The following ERCC6 variants were observed in gnomAD, a reference collection of about 807,000 sequenced individuals.
ERCC6 encodes ERCC excision repair 6, chromatin remodeling factor.
A neutral mutation model predicts 158.7 loss-of-function variants in ERCC6; 116 were observed. The observed-to-expected ratio is 0.73, with a 90% confidence interval of 0.63 to 0.85. The LOEUF (loss-of-function observed/expected upper bound fraction) is 0.85, where lower values mean the gene tolerates loss of function less well. Among genes scored for constraint, ERCC6 ranks in the 40% least tolerant of loss-of-function variants. The pLI, the probability that ERCC6 is intolerant of heterozygous loss-of-function variation, is 0.00. For synonymous variants in ERCC6, 678 were observed against 659.3 expected (o/e 1.03, Z -0.43); for missense variants, 1,698 against 1,799.4 (o/e 0.94, Z 1.02).
In ERCC6 at chr10:49,533,470, T is replaced by C. The variant is rs142561187; in HGVS notation, c.-14-492A>G. On this transcript the variant is annotated intron_variant, in intron 1 of 20. Coordinates refer to ENST00000355832, the MANE Select transcript of ERCC6 (RefSeq NM_000124.4). ...AATACCTATCCAGTAAATAGGAGCT[T>C]TGAACAAATCAGAAGCTCAGAAGAT... is the stretch of plus-strand genomic sequence containing the variant. Among the ~76,000 whole-genome samples, 322 of 152,262 alleles carry C rather than the reference T, an allele frequency of 2.1e-3. 2 individuals are homozygous for C. Among genetic ancestry groups the C allele is most frequent in the African/African-American group, 7.4e-3 (308 of 41,554 alleles).
chr10:49,465,130 G>A (rs1220878955), intron 18 of ERCC6, among the ~76,000 whole-genome samples: 1 of 152,210 alleles, frequency 6.6e-6, no homozygotes, highest in African/African-American at 2.4e-5. Context: ...AAAGCCAAAG[G>A]GGCAGAGCTG....
chr10:49,482,387 T>A (rs1294518716), intron 10 of ERCC6, among the ~76,000 whole-genome samples: 1 of 152,190 alleles, frequency 6.6e-6, no homozygotes, highest in African/African-American at 2.4e-5. Flanking sequence ...TCTGACCACA[T>A]GTGACATCTT....
rs1850998432 is a variant in ERCC6, at chr10:49,482,579, C to A, written c.2169+108G>T. The A allele has an allele frequency of 4.8e-6, 4 of 839,410 alleles. No individual in the cohort carries two copies. In the East Asian group the frequency reaches 8.5e-5, roughly 18 times the overall value. 52.0% of individuals were successfully genotyped at this position (839,410 alleles called of 1,614,324 possible). On this transcript the variant is annotated intron_variant, in intron 10 of 20. Transcript: ENST00000355832. ...TTTTAACCAGATACCAATTTATGAGCCTGGCCATCTTTCTCACATTCTGAA... is the reference window on the plus strand; with the variant it reads ...TTTTAACCAGATACCAATTTATGAGACTGGCCATCTTTCTCACATTCTGAA...
intron 18 of ERCC6, among the ~76,000 whole-genome samples, chr10:49,465,802 T>C (rs1032345037): frequency 1.3e-5 from 2 of 152,226 alleles, no homozygotes; most frequent in African/African-American, 4.8e-5. Flanking sequence ...TCCCCAGTCA[T>C]GTGGAATTGT....
chr10:49,482,881 G>A lies in ERCC6; in HGVS notation c.1993-18C>T. On this transcript the variant is annotated intron_variant, in intron 9 of 20. Coordinates refer to ENST00000355832, the MANE Select transcript of ERCC6 (RefSeq NM_000124.4). The stretch of plus-strand genomic sequence containing the variant: ...GTGCGAAACTATTTGAGGAAAGGAA[G>A]CACCTTTTTATTAAATTTACCTTTT... The A allele has an allele frequency of 1.9e-6, 3 of 1,613,884 alleles. No individual in the cohort carries two copies. Among genetic ancestry groups the A allele is most frequent in the Non-Finnish European group, 2.5e-6 (3 of 1,179,870 alleles).
intron 18 of ERCC6, among the ~76,000 whole-genome samples, chr10:49,464,414 C>A (rs1850636602): frequency 6.6e-6 from 1 of 152,186 alleles, no homozygotes; most frequent in South Asian, 2.1e-4. Context: ...AAAGTTTGGA[C>A]AATTTGCAGC....
rs188994444 is a variant in ERCC6 at position 49,522,264 on chromosome 10, T to C, written c.1397+1769A>G. Among the ~76,000 whole-genome samples the C allele has an allele frequency of 7.9e-4, 120 of 152,314 alleles. 1 individual carries two copies. The highest frequency in any genetic ancestry group is 2.6e-3 in the African/African-American group (107 of 41,570). ...AAGATCAGCAATGAGTAACAAAATATAGAGAGACTGGCAGTTCTAATATGC... is the reference window on the plus strand; with the variant it reads ...AAGATCAGCAATGAGTAACAAAATACAGAGAGACTGGCAGTTCTAATATGC... On this transcript the variant is annotated intron_variant, in intron 5 of 20. Coordinates refer to ENST00000355832, the MANE Select transcript of ERCC6 (RefSeq NM_000124.4).
At chr10:49,538,540 A>G (rs1038303729) in intron 1 of ERCC6, among the ~76,000 whole-genome samples, 1 of 152,220 alleles carries the variant, frequency 6.6e-6, no homozygotes, top group South Asian at 2.1e-4. Context: ...CAGCATTTAC[A>G]GGCGGCCTGC....
chr10:49,486,275 G>C (rs568956558), intron 8 of ERCC6, among the ~76,000 whole-genome samples: 7 of 152,226 alleles, frequency 4.6e-5, no homozygotes, highest in South Asian at 2.1e-4. Flanking sequence ...CAAAGGATTT[G>C]AGTATCACCA....
chr10:49,479,414 G>T (rs1214880759), intron 10 of ERCC6, among the ~76,000 whole-genome samples: 1 of 152,152 alleles, frequency 6.6e-6, no homozygotes, highest in African/African-American at 2.4e-5. Flanking sequence ...GTATGTGTGT[G>T]TATCTGTTGT....
chr10:49,473,572 C>T lies in ERCC6; in HGVS notation c.2614G>A (p.Glu872Lys). ...SQSRQMLDILEVFLRAQKYTY... is the reference protein window; with the variant it reads ...SQSRQMLDILKVFLRAQKYTY... ...TACTTTTGGGCTCTAAGGAATACTT[C>T]AAGTATGTCCAGCATCTGTTTGGAG... Residue 872 changes from glutamate to lysine, a missense_variant, in exon 14 of 21, where the codon GAA becomes AAA. Glu to Lys is a moderately conservative substitution (Grantham distance 56). Coordinates refer to ENST00000355832, the MANE Select transcript of ERCC6 (RefSeq NM_000124.4). The T allele has an allele frequency of 6.2e-7, 1 of 1,602,636 alleles. No homozygotes were observed.
chr10:49,449,509 T>C (rs548567266), downstream of ERCC6, among the ~76,000 whole-genome samples: 4 of 151,490 alleles, frequency 2.6e-5, no homozygotes, highest in East Asian at 1.9e-4. Flanking sequence ...TTCATGAAGA[T>C]TTACCCATTT....
At chr10:49,474,760 T>G (rs1049194557) in intron 12 of ERCC6, among the ~76,000 whole-genome samples, 1 of 152,096 alleles carries the variant, frequency 6.6e-6, no homozygotes, top group Non-Finnish European at 1.5e-5. Context: ...GAAAAAAAAC[T>G]GCATGAAAAA....
intron 5 of ERCC6, among the ~76,000 whole-genome samples, chr10:49,506,830 T>A (rs1413668758): frequency 1.3e-5 from 2 of 150,764 alleles, no homozygotes; most frequent in East Asian, 1.9e-4. Flanking sequence ...AAGCCTCAAA[T>A]TCTATTCACT....
At chr10:49,514,856 G>T (rs1258463751) in intron 5 of ERCC6, among the ~76,000 whole-genome samples, 4 of 152,154 alleles carry the variant, frequency 2.6e-5, no homozygotes, top group Admixed American at 2.6e-4. Context: ...TTGCTAAATT[G>T]AGATACTTGG....
chr10:49,441,803 GGTTT>G, the ERCC6 span, among the ~76,000 whole-genome samples: 9 of 152,150 alleles, frequency 5.9e-5, no homozygotes, highest in Non-Finnish European at 1.0e-4. Context: ...GCTTTGTTTT[GGTTT>G]GTTTATTTAT....
intron 5 of ERCC6, chr10:49,515,184 T>C: frequency 7.6e-7 from 1 of 1,310,484 alleles, no homozygotes; most frequent in South Asian, 2.5e-5. Context: ...CTAGAAAAAT[T>C]CAAGGAACAA....
intron 7 of ERCC6, 33 bp from the exon 8 acceptor site, chr10:49,493,285 T>C (rs775775611): frequency 6.2e-7 from 1 of 1,613,330 alleles, no homozygotes; most frequent in Admixed American, 1.7e-5. Flanking sequence ...AAAACAACCA[T>C]GAAAGAGCAT....
In ERCC6 at chr10:49,532,830, G is replaced by C. The variant is rs2228524; in HGVS notation, c.135C>G (p.Leu45=). 1,157,791 of 1,613,926 alleles carry C rather than the reference G, an allele frequency of 0.72. 421,790 individuals are homozygous for C. The highest frequency in any genetic ancestry group is 0.81 in the South Asian group (73,466 of 91,074). ...GCCCGTCACCCACAGAACGAAAGGAGAGGTACTCCTCCACCTCCCCATCAC... is the reference window on the plus strand; with the variant it reads ...GCCCGTCACCCACAGAACGAAAGGACAGGTACTCCTCCACCTCCCCATCAC... The part of the protein sequence containing the change: ...SGGDGEVEEY[L]SFRSVGDGLS... The change falls in exon 2 of 21, where the codon CTC becomes CTG. Residue 45 remains leucine, a synonymous_variant. Transcript: ENST00000355832.
Sources: gnomAD v4.1 joint callset for allele counts (sites outside exome capture counted in the v4.1 genomes callset) on GRCh38, gnomAD v4.1.1 for gene constraint, MANE v1.5 for transcripts, NCBI Gene and HGNC (gene_info 2026-07-23, HGNC 2026-07-21) for gene names.